The following ADGRL4 variants were observed in gnomAD, a reference collection of about 807,000 sequenced individuals.
ADGRL4 encodes adhesion G protein-coupled receptor L4, also known as EGF, latrophilin and seven transmembrane domain containing 1.
A neutral mutation model predicts 74.8 loss-of-function variants in ADGRL4; 90 were observed. The observed-to-expected ratio is 1.20, with a 90% CI of 1.02 to 1.43. The LOEUF (loss-of-function observed/expected upper bound fraction) is 1.43, where lower values mean the gene tolerates loss of function less well. Among genes scored for constraint, ADGRL4 ranks in the 40% most tolerant of loss-of-function variants. The pLI is 0.00. For missense variants in ADGRL4, 881 were observed against 814.3 expected, an observed-to-expected ratio of 1.08 and a Z score of -1.00; for synonymous variants, 311 against 279.2, an observed-to-expected ratio of 1.11 and a Z score of -1.14.
chr1:78,930,987 A>G (rs1338826784), intron 7 of ADGRL4, among the ~76,000 whole-genome samples: 1 of 151,436 alleles, frequency 6.6e-6, no homozygotes, highest in African/African-American at 2.5e-5. Context: ...AAGACTAAGA[A>G]AAATACAAAT....
chr1:78,938,760 C>T (rs1010757464), intron 4 of ADGRL4, among the ~76,000 whole-genome samples: 4 of 152,024 alleles, frequency 2.6e-5, no homozygotes, highest in Admixed American at 1.3e-4. Flanking sequence ...TTGAGATTCA[C>T]ATTTTCAATC....
chr1:78,929,445 G>A lies in ADGRL4; in HGVS notation c.878-2354C>T, dbSNP rs149198281. The stretch of plus-strand genomic sequence containing the variant: ...TGGAAGGATCACTGGAGCCCTGGGA[G>A]GTCAAGACTGCAGTGAGCCATGATC... On this transcript the variant is annotated intron_variant, in intron 7 of 14. Transcript: ENST00000370742. Among the ~76,000 whole-genome samples the A allele has an allele frequency of 1.1e-4, 16 of 151,474 alleles. 1 individual carries two copies. Among genetic ancestry groups the A allele is most frequent in the African/African-American group, 3.2e-4 (13 of 40,814 alleles).
At chr1:78,917,725 T>C in intron 11 of ADGRL4, 25 bp from the exon 12 acceptor site, 1 of 1,593,394 alleles carries the variant, frequency 6.3e-7, no homozygotes, top group Non-Finnish European at 8.6e-7. Flanking sequence ...AAAGATAGAA[T>C]CTATAAATAT....
chr1:78,944,767 T>A (rs967281411), intron 3 of ADGRL4, among the ~76,000 whole-genome samples: 5 of 152,182 alleles, frequency 3.3e-5, no homozygotes, highest in African/African-American at 1.2e-4. Context: ...TTTACTTCCT[T>A]GGCAATAAAA....
intron 2 of ADGRL4, among the ~76,000 whole-genome samples, chr1:78,961,557 TTCTGTTTA>T (rs977883956): frequency 6.6e-6 from 1 of 152,196 alleles, no homozygotes; most frequent in African/African-American, 2.4e-5. Flanking sequence ...TTCTGTTTGA[TTCTGTTTA>T]GCTCTGTTTA....
chr1:78,949,911 T>C (rs1258709314), intron 2 of ADGRL4, among the ~76,000 whole-genome samples: 3 of 152,150 alleles, frequency 2.0e-5, no homozygotes, highest in Admixed American at 6.6e-5. Flanking sequence ...TATTCTCTGA[T>C]AAAAAATTCT....
At chr1:78,944,903 G>A (rs1341608927) in intron 3 of ADGRL4, among the ~76,000 whole-genome samples, 1 of 152,030 alleles carries the variant, frequency 6.6e-6, no homozygotes, top group African/African-American at 2.4e-5. Flanking sequence ...TTGTGTCATA[G>A]CTTACCATCC....
At chr1:78,919,695 A>G (rs1648955328) in intron 10 of ADGRL4, among the ~76,000 whole-genome samples, 1 of 151,936 alleles carries the variant, frequency 6.6e-6, no homozygotes, top group Non-Finnish European at 1.5e-5. Flanking sequence ...ACCCAGACCA[A>G]TACAATATGA....
At chr1:78,960,623 C>T (rs1164381778) in intron 2 of ADGRL4, among the ~76,000 whole-genome samples, 1 of 152,076 alleles carries the variant, frequency 6.6e-6, no homozygotes, top group Non-Finnish European at 1.5e-5. Flanking sequence ...TTTAAAGTAA[C>T]CTTGCAATGG....
At position 78,899,803 on chromosome 1, in the gene ADGRL4, T is replaced by G. The variant is rs184682075; in HGVS notation, c.1750-6614A>C. ...CATTTCCCAATTGAGATTACCATAT[T>G]AAGTGCCTTAGTTACAATGCTTATC... On this transcript the variant is annotated intron_variant, in intron 12 of 14. Coordinates refer to ENST00000370742, the MANE Select transcript of ADGRL4 (RefSeq NM_022159.4). Among the ~76,000 whole-genome samples, 369 of 152,238 alleles carry G rather than the reference T, an allele frequency of 2.4e-3. 4 individuals carry two copies. The highest frequency in any genetic ancestry group is 8.4e-3 in the African/African-American group (350 of 41,544).
At chr1:78,998,307 A>C (rs1325997295) in intron 2 of ADGRL4, among the ~76,000 whole-genome samples, 1 of 147,972 alleles carries the variant, frequency 6.8e-6, no homozygotes, top group Non-Finnish European at 1.5e-5. Flanking sequence ...AACAGGAGTT[A>C]AACTCTTGTA....
At chr1:78,910,795 T>C (rs1450064822) in intron 12 of ADGRL4, among the ~76,000 whole-genome samples, 2 of 151,800 alleles carry the variant, frequency 1.3e-5, no homozygotes, top group African/African-American at 4.8e-5. Flanking sequence ...GACTAGGCCT[T>C]TTCAAGTACA....
intron 12 of ADGRL4, among the ~76,000 whole-genome samples, chr1:78,914,816 C>G (rs1349859897): frequency 6.6e-6 from 1 of 151,638 alleles, no homozygotes; most frequent in East Asian, 1.9e-4. Flanking sequence ...GCTAGGGATC[C>G]ACAACTCTGC....
At chr1:78,978,916 G>A (rs960741351) in intron 2 of ADGRL4, among the ~76,000 whole-genome samples, 1 of 151,720 alleles carries the variant, frequency 6.6e-6, no homozygotes, top group Non-Finnish European at 1.5e-5. Flanking sequence ...ATAATCTAAT[G>A]TTGGTATTTC....
At chr1:78,984,742 TA>T (rs1228673025) in intron 2 of ADGRL4, among the ~76,000 whole-genome samples, 1 of 151,720 alleles carries the variant, frequency 6.6e-6, no homozygotes, top group Non-Finnish European at 1.5e-5. Flanking sequence ...TAATTGCATT[TA>T]AAAAAATTCC....
At chr1:78,899,639 G>A (rs765895443) in intron 12 of ADGRL4, among the ~76,000 whole-genome samples, 3 of 152,190 alleles carry the variant, frequency 2.0e-5, no homozygotes, top group Non-Finnish European at 2.9e-5. Flanking sequence ...ACAGGCATGA[G>A]CCACCATGCT....
chr1:78,978,828 C>T (rs1432463896), intron 2 of ADGRL4, among the ~76,000 whole-genome samples: 2 of 151,954 alleles, frequency 1.3e-5, no homozygotes, highest in African/African-American at 4.8e-5. Flanking sequence ...GGAGGCAGAA[C>T]TAAAACACAA....
intron 8 of ADGRL4, among the ~76,000 whole-genome samples, chr1:78,923,725 CAGTGAAAATAAAGTATAA>C (rs1341906998): frequency 3.3e-5 from 5 of 151,450 alleles, no homozygotes; most frequent in Non-Finnish European, 5.9e-5. Flanking sequence ...TAAAGTTTCT[CAGTGAAAATAAAGTATAA>C]AGTGAAAATA....
At chr1:78,994,838 C>A (rs1650681745) in intron 2 of ADGRL4, among the ~76,000 whole-genome samples, 1 of 152,076 alleles carries the variant, frequency 6.6e-6, no homozygotes. Flanking sequence ...TGATACCTGG[C>A]AATATATATT....
Sources: gnomAD v4.1 joint callset for allele counts (sites outside exome capture counted in the v4.1 genomes callset) on GRCh38, gnomAD v4.1.1 for gene constraint, MANE v1.5 for transcripts, NCBI Gene and HGNC (gene_info 2026-07-23, HGNC 2026-07-21) for gene names.